Variants in FRK observed in about 807,000 individuals in gnomAD.
FRK encodes tyrosine-protein kinase FRK.
FRK carries 51 observed loss-of-function variants against 56.4 expected under a neutral mutation model. That is an observed-to-expected ratio of 0.90 (90% CI 0.72 to 1.14). FRK has a LOEUF of 1.14. Ranked by LOEUF, FRK falls within the 50% of genes most tolerant of loss-of-function variation. FRK has a pLI of 0.00. For missense variants in FRK, 570 were observed against 601.4 expected (o/e 0.95, Z 0.55); for synonymous variants, 245 against 217.9 (o/e 1.12, Z -1.10).
intron 4 of FRK, among the ~76,000 whole-genome samples, chr6:115,956,970 ATATT>A (rs1318354523): frequency 1.3e-5 from 2 of 152,218 alleles, no homozygotes; most frequent in Non-Finnish European, 2.9e-5. Context: ...AGGTCACTGA[ATATT>A]TAATTACTGC....
intron 2 of FRK, among the ~76,000 whole-genome samples, chr6:115,972,751 C>T (rs1289563936): frequency 6.6e-6 from 1 of 152,162 alleles, no homozygotes; most frequent in Non-Finnish European, 1.5e-5. Flanking sequence ...CATGTATTGA[C>T]CCAAACACCA....
Position 116,010,676 on chromosome 6 carries a change from C to G in FRK, c.345-6678G>C, listed in dbSNP as rs923706657. 3.3e-5 allele frequency among the ~76,000 whole-genome samples: 5 copies of G among 152,204 alleles called. No individual in the cohort carries two copies. In the South Asian group the frequency reaches 1.0e-3, roughly 32 times the overall value. Reference sequence around the variant, plus strand: ...CTCATTAGGAAGTTATTTAACCTCTCTATGCCTCAATCTCCTCATTTGTAA... The same window carrying G: ...CTCATTAGGAAGTTATTTAACCTCTGTATGCCTCAATCTCCTCATTTGTAA... On this transcript the variant is annotated intron_variant, in intron 1 of 7. Coordinates refer to ENST00000606080, the MANE Select transcript of FRK (RefSeq NM_002031.3).
intron 1 of FRK, among the ~76,000 whole-genome samples, chr6:116,056,174 CA>C (rs1777389564): frequency 6.7e-6 from 1 of 149,214 alleles, no homozygotes; most frequent in African/African-American, 2.5e-5. Context: ...TACACTTTAA[CA>C]ATTAAGCAAA....
rs74407477 is a variant in FRK at position 115,943,123 on chromosome 6, C to T, written c.1203G>A (p.Ala401=). The change falls in exon 7 of 8, where the codon GCG becomes GCA. Residue 401 remains alanine (A), a synonymous_variant. Coordinates refer to ENST00000606080, the MANE Select transcript of FRK (RefSeq NM_002031.3). Reference sequence around the variant, plus strand: ...ATTTATTACTACGAATGGCTTCGGGCGCAGTCCACTTCACCGGCAGCTTTA... The same window carrying T: ...ATTTATTACTACGAATGGCTTCGGGTGCAGTCCACTTCACCGGCAGCTTTA... The part of the protein sequence containing the change: ...HEIKLPVKWT[A]PEAIRSNKFS... The T allele has an allele frequency of 1.3e-4, 203 of 1,613,132 alleles. No individual in the cohort carries two copies. The highest frequency in any genetic ancestry group is 2.0e-4 in the African/African-American group (15 of 74,972).
intron 5 of FRK, among the ~76,000 whole-genome samples, chr6:115,955,462 A>G (rs1186696620): frequency 6.6e-6 from 1 of 152,314 alleles, no homozygotes; most frequent in East Asian, 1.9e-4. Flanking sequence ...GTTATTTAAT[A>G]GCTGAGTTTA....
In FRK at chr6:115,958,768, A is replaced by AAGGAAAGAG. The variant is rs1292819468; in HGVS notation, c.800-2159_800-2158insCTCTTTCCT. Among the ~76,000 whole-genome samples the AAGGAAAGAG allele has an allele frequency of 2.5e-5, 2 of 80,700 alleles. 1 individual carries two copies. Among genetic ancestry groups the AAGGAAAGAG allele is most frequent in the African/African-American group, 1.1e-4 (2 of 18,854 alleles). 52.9% of individuals were successfully genotyped at this position (80,700 alleles called of 152,430 possible). On this transcript the variant is annotated intron_variant, in intron 4 of 7. Transcript: ENST00000606080. ...GAAAGAAAGAAAGAAAGAAAGAAAGAGGGGGGGGAAGGAGAGAGAGAAAGA... is the reference window on the plus strand; with the variant it reads ...GAAAGAAAGAAAGAAAGAAAGAAAGAAGGAAAGAGGGGGGGGGAAGGAGAGAGAGAAAGA...
chr6:115,944,234 C>G lies in FRK; in HGVS notation c.1140+10G>C, dbSNP rs975149574. On this transcript the variant is annotated intron_variant, in intron 6 of 7. Transcript: ENST00000606080. ...ATTACAAAAACTAATTAAAACAAAACTAAATCCACCTTAAAAACTCTGGCA... is the reference window on the plus strand; with the variant it reads ...ATTACAAAAACTAATTAAAACAAAAGTAAATCCACCTTAAAAACTCTGGCA... 6.2e-7 allele frequency: 1 copy of G among 1,600,664 alleles called. No homozygotes were observed. The highest frequency in any genetic ancestry group is 1.7e-5 in the Admixed American group (1 of 57,224).
chr6:115,959,001 G>A (rs1773215385), intron 4 of FRK, among the ~76,000 whole-genome samples: 1 of 152,126 alleles, frequency 6.6e-6, no homozygotes, highest in African/African-American at 2.4e-5. Flanking sequence ...GCCTCTGCAG[G>A]TGAAGACTGT....
At chr6:115,976,495 G>C (rs895521958) in intron 2 of FRK, among the ~76,000 whole-genome samples, 3 of 152,164 alleles carry the variant, frequency 2.0e-5, no homozygotes. Context: ...ATAACAATTA[G>C]TTTGGTGTTT....
At chr6:115,982,405 T>C (rs1036710150) in intron 2 of FRK, among the ~76,000 whole-genome samples, 1 of 152,196 alleles carries the variant, frequency 6.6e-6, no homozygotes, top group Non-Finnish European at 1.5e-5. Context: ...ATTCCCATAA[T>C]AAATTTCCAC....
rs1439532282 is a variant in FRK at position 115,947,275 on chromosome 6, A to AT, written c.959-2851dup. On this transcript the variant is annotated intron_variant, in intron 5 of 7. Transcript: ENST00000606080. The stretch of plus-strand genomic sequence containing the variant: ...TATGATATTTTTAATAAAAAATGAA[A>AT]TAAATAGAGTCAAAAGAATTTTTTA... 3.9e-5 allele frequency among the ~76,000 whole-genome samples: 6 copies of AT among 152,128 alleles called. No individual in the cohort carries two copies. In the South Asian group the frequency reaches 1.0e-3, roughly 26 times the overall value.
Position 115,967,586 on chromosome 6 carries a change from T to C in FRK, c.764A>G (p.Asn255Ser). Residue 255 changes from asparagine to serine, a missense_variant, in exon 4 of 8, where the codon AAT becomes AGT. By Grantham distance (46) the Asn-to-Ser change is conservative. Transcript: ENST00000606080. ...TGTTTTCACTGCTACTGGAGTGGTATTGTTCCACAGACCTTCCCATACTTC... is the reference window on the plus strand; with the variant it reads ...TGTTTTCACTGCTACTGGAGTGGTACTGTTCCACAGACCTTCCCATACTTC... ...FGEVWEGLWN[N>S]TTPVAVKTLK... 2 of 1,613,762 alleles carry C rather than the reference T, an allele frequency of 1.2e-6. No homozygotes were observed. Among genetic ancestry groups the C allele is most frequent in the Non-Finnish European group, 8.5e-7 (1 of 1,179,784 alleles).
At position 115,937,804 on chromosome 6, in the gene FRK, CA is replaced by C. The variant is rs1772079604; in HGVS notation, c.*4609del. ...ATCCTAAATATATATACACCCAATA[CA>C]GAAGCACCCAGATTCATAAAGCAAG... is the stretch of plus-strand genomic sequence containing the variant. On this transcript the variant is annotated 3_prime_UTR_variant, in exon 8 of 8. Transcript: ENST00000606080. The C allele has an allele frequency of 6.6e-6, 1 of 152,154 alleles. No individual in the cohort carries two copies. The highest frequency in any genetic ancestry group is 2.1e-4 in the South Asian group (1 of 4,832). The allele number at this position is 152,154 out of a possible 1,614,324, so 9.4% of individuals were successfully genotyped here.
At chr6:115,971,280 G>A (rs754149563) in intron 2 of FRK, among the ~76,000 whole-genome samples, 17 of 152,150 alleles carry the variant, frequency 1.1e-4, no homozygotes, top group African/African-American at 3.4e-4. Context: ...TAACATACAC[G>A]TAGAATATTA....
chr6:116,095,003 A>G, the FRK span, among the ~76,000 whole-genome samples: 1 of 152,244 alleles, frequency 6.6e-6, no homozygotes, highest in African/African-American at 2.4e-5. Context: ...CTTCTCTATA[A>G]CCCTATAACA....
chr6:116,025,141 G>A (rs532857939), intron 1 of FRK, among the ~76,000 whole-genome samples: 134 of 152,240 alleles, frequency 8.8e-4, no homozygotes, highest in Non-Finnish European at 1.3e-3. Context: ...ATGAAAGGAC[G>A]AAATTAGAAT....
At chr6:115,998,223 G>A (rs909659194) in intron 2 of FRK, among the ~76,000 whole-genome samples, 3 of 152,122 alleles carry the variant, frequency 2.0e-5, no homozygotes, top group African/African-American at 7.2e-5. Context: ...TGATTCCACC[G>A]TGTGTGTTCC....
At chr6:116,087,215 T>C in the FRK span, among the ~76,000 whole-genome samples, 1 of 152,248 alleles carries the variant, frequency 6.6e-6, no homozygotes, top group African/African-American at 2.4e-5. Flanking sequence ...GTCTATATTT[T>C]TATGGTAGCT....
chr6:115,989,989 G>A (rs1001073689), intron 2 of FRK, among the ~76,000 whole-genome samples: 1 of 151,940 alleles, frequency 6.6e-6, no homozygotes, highest in Non-Finnish European at 1.5e-5. Flanking sequence ...TCTGAATGGT[G>A]TAGGATGGTA....
Sources: gnomAD v4.1 joint callset for allele counts (sites outside exome capture counted in the v4.1 genomes callset) on GRCh38, gnomAD v4.1.1 for gene constraint, MANE v1.5 for transcripts, NCBI Gene and HGNC (gene_info 2026-07-23, HGNC 2026-07-21) for gene names.